The following CDC42EP3 variants were observed in gnomAD, a reference collection of about 807,000 sequenced individuals.
CDC42EP3 encodes CDC42 effector protein (Rho GTPase binding) 3.
In CDC42EP3, 4 loss-of-function variants were observed where a neutral mutation model predicts 15.5. That is an observed-to-expected ratio of 0.26 (90% CI 0.13 to 0.59). The LOEUF is 0.59. Among genes scored for constraint, CDC42EP3 ranks in the 20% least tolerant of loss-of-function variants. The probability of loss-of-function intolerance (pLI) is 0.89; values close to 1 mark genes in which losing one functional copy is unlikely to be tolerated. For missense variants in CDC42EP3, 309 were observed against 311.2 expected (o/e 0.99, Z 0.05); for synonymous variants, 145 against 130.3 (o/e 1.11, Z -0.77).
At position 37,646,324 on chromosome 2, in the gene CDC42EP3, G is replaced by T. The variant is rs748269210; in HGVS notation, c.264C>A (p.Asn88Lys). The part of the protein sequence containing the change: ...FPGHNEFFRA[N>K]STSDSVFTET... ...CTGTGAACACAGAGTCCGAGGTGCT[G>T]TTGGCCCGGAAGAACTCATTATGCC... Residue 88 changes from asparagine to lysine, a missense_variant, in exon 2 of 2, where the codon AAC (asparagine) becomes AAA (lysine). Transcript: ENST00000295324. The T allele has an allele frequency of 1.1e-5, 18 of 1,614,058 alleles. No homozygotes were observed. Among genetic ancestry groups the T allele is most frequent in the Non-Finnish European group, 1.5e-5 (18 of 1,180,038 alleles).
rs781721528 is a variant in CDC42EP3 at position 37,646,508 on chromosome 2, G to A, written c.80C>T (p.Ser27Phe). The A allele has an allele frequency of 1.2e-6, 2 of 1,601,122 alleles. No individual in the cohort carries two copies. Among genetic ancestry groups the A allele is most frequent in the Non-Finnish European group, 1.7e-6 (2 of 1,176,330 alleles). The change falls in exon 2 of 2, where the codon TCT (serine) becomes TTT (phenylalanine). Residue 27 changes from serine to phenylalanine, a missense_variant. Coordinates refer to ENST00000295324, the MANE Select transcript of CDC42EP3 (RefSeq NM_006449.5). ...GKKFKLRDIL[S>F]PDMISPPLGD... ...AAGCGGGGGACTGATCATATCAGGA[G>A]ACAGAATGTCCCTCAGTTTAAATTT...
upstream of CDC42EP3, chr2:37,672,648 TG>T (rs1198297707): frequency 6.6e-6 from 1 of 152,188 alleles, no homozygotes; most frequent in Non-Finnish European, 1.5e-5. Context: ...GTCGTCGGCC[TG>T]GGGAAGGAGT....
intron 1 of CDC42EP3, among the ~76,000 whole-genome samples, chr2:37,664,042 A>C (rs1402878824): frequency 3.3e-5 from 5 of 152,166 alleles, no homozygotes; most frequent in East Asian, 1.9e-4. Flanking sequence ...GTCGTTGTGG[A>C]GGGTGCCTGT....
At chr2:37,671,687 G>GGGCGGCGCGGGGCGGGGCC (rs948736818), upstream of CDC42EP3, 924 of 151,318 alleles carry the variant, frequency 6.1e-3, 13 homozygotes, top group African/African-American at 0.021. Flanking sequence ...GCGGAGGGCG[G>GGGCGGCGCGGGGCGGGGCC]GGCGGCGCGG....
At chr2:37,662,084 GAAA>G (rs11314456) in intron 1 of CDC42EP3, among the ~76,000 whole-genome samples, 1 of 141,744 alleles carries the variant, frequency 7.1e-6, no homozygotes, top group Non-Finnish European at 1.6e-5. Context: ...TTCCAAAAAA[GAAA>G]AAAAAAAAGT....
intron 1 of CDC42EP3, among the ~76,000 whole-genome samples, chr2:37,657,632 C>T (rs191159099): frequency 2.6e-5 from 4 of 152,246 alleles, no homozygotes; most frequent in South Asian, 2.1e-4. Context: ...AGCTACAGGC[C>T]GGCCAAATCC....
intron 1 of CDC42EP3, among the ~76,000 whole-genome samples, chr2:37,649,191 C>T (rs534688540): frequency 1.2e-4 from 18 of 151,884 alleles, no homozygotes; most frequent in Admixed American, 3.9e-4. Flanking sequence ...GGGCACCCGC[C>T]GGTAGTCCCA....
Position 37,657,916 on chromosome 2 carries a change from T to A in CDC42EP3, c.-235-11094A>T, listed in dbSNP as rs946062795. On this transcript the variant is annotated intron_variant, in intron 1 of 1. Coordinates refer to ENST00000295324, the MANE Select transcript of CDC42EP3 (RefSeq NM_006449.5). ...AGAATTATCTGGCCTCAAATCTCAG[T>A]AGTGCTGAAGTTGAGAAATCCCAGT... is the stretch of plus-strand genomic sequence containing the variant. 2.6e-5 allele frequency among the ~76,000 whole-genome samples: 4 copies of A among 152,188 alleles called. 1 individual carries two copies. The highest frequency in any genetic ancestry group is 2.0e-4 in the Admixed American group (3 of 15,266).
chr2:37,649,836 A>T (rs1166062255), intron 1 of CDC42EP3, among the ~76,000 whole-genome samples: 2 of 152,182 alleles, frequency 1.3e-5, no homozygotes, highest in African/African-American at 4.8e-5. Flanking sequence ...GAAAAAGGCA[A>T]GAAAAGGGTT....
chr2:37,658,563 C>T (rs72881310), intron 1 of CDC42EP3, among the ~76,000 whole-genome samples: 13,304 of 152,178 alleles, frequency 0.087, 1,791 homozygotes, highest in African/African-American at 0.29. Flanking sequence ...ATAAACCTTG[C>T]CCCAAATGGG....
rs1665362893 is a variant in CDC42EP3, at chr2:37,644,111, C to A, written c.*1712G>T. ...TCCAGGGAAGCTAAAATATTGGACA[C>A]CCCTGCCTAGGGGAACTTGTTTCGT... On this transcript the variant is annotated 3_prime_UTR_variant, in exon 2 of 2. Coordinates refer to ENST00000295324, the MANE Select transcript of CDC42EP3 (RefSeq NM_006449.5). 1 of 151,878 alleles carries A rather than the reference C, an allele frequency of 6.6e-6. No homozygotes were observed. Among genetic ancestry groups the A allele is most frequent in the Non-Finnish European group, 1.5e-5 (1 of 68,014 alleles). 9.4% of individuals were successfully genotyped at this position (151,878 alleles called of 1,614,324 possible).
At chr2:37,657,991 A>G (rs1665933567) in intron 1 of CDC42EP3, among the ~76,000 whole-genome samples, 1 of 152,200 alleles carries the variant, frequency 6.6e-6, no homozygotes, top group South Asian at 2.1e-4. Flanking sequence ...TGTGACAGAG[A>G]CTGTATGTTG....
rs1665430528 is a variant in CDC42EP3, at chr2:37,645,778, T to C, written c.*45A>G. On this transcript the variant is annotated 3_prime_UTR_variant, in exon 2 of 2. Coordinates refer to ENST00000295324, the MANE Select transcript of CDC42EP3 (RefSeq NM_006449.5). ...GCCCTTCTCTTCAACTGTGGTTAGT[T>C]TGTTTTTGTACCTTTTACCCCAAAG... 6.9e-7 allele frequency: 1 copy of C among 1,457,082 alleles called. No homozygotes were observed. The highest frequency in any genetic ancestry group is 1.4e-5 in the African/African-American group (1 of 70,588). 90.3% of individuals were successfully genotyped at this position (1,457,082 alleles called of 1,614,324 possible).
intron 1 of CDC42EP3, among the ~76,000 whole-genome samples, chr2:37,657,648 C>T (rs1665913100): frequency 6.6e-6 from 1 of 152,164 alleles, no homozygotes; most frequent in Admixed American, 6.5e-5. Context: ...AATCCGGCCC[C>T]CTGCCTGTTT....
intron 1 of CDC42EP3, among the ~76,000 whole-genome samples, chr2:37,661,131 G>A (rs1022726453): frequency 6.7e-5 from 10 of 150,104 alleles, no homozygotes; most frequent in East Asian, 2.1e-4. Flanking sequence ...GTGTGTGTGC[G>A]TGTGTGTATA....
At chr2:37,668,707 C>G (rs1258673450) in intron 1 of CDC42EP3, among the ~76,000 whole-genome samples, 1 of 152,194 alleles carries the variant, frequency 6.6e-6, no homozygotes, top group African/African-American at 2.4e-5. Context: ...ACTGGTCTAT[C>G]CTCAGTCTCT....
At chr2:37,656,681 T>A (rs1665856815) in intron 1 of CDC42EP3, among the ~76,000 whole-genome samples, 1 of 152,218 alleles carries the variant, frequency 6.6e-6, no homozygotes. Flanking sequence ...CAGCCATAGC[T>A]GCATTCTGTA....
chr2:37,659,540 A>G (rs1220334611), intron 1 of CDC42EP3, among the ~76,000 whole-genome samples: 1 of 152,252 alleles, frequency 6.6e-6, no homozygotes, highest in Non-Finnish European at 1.5e-5. Context: ...TGAAAGAGAT[A>G]TGACTCCTAT....
Position 37,645,446 on chromosome 2 carries a change from C to G in CDC42EP3, c.*377G>C, listed in dbSNP as rs570906209. ...AAATAAATTTTGACTTCCTCTTGCT[C>G]AGAAAATGTCGGAGTGCTATAAAGT... On this transcript the variant is annotated 3_prime_UTR_variant, in exon 2 of 2. Coordinates refer to ENST00000295324, the MANE Select transcript of CDC42EP3 (RefSeq NM_006449.5). 2.5e-4 allele frequency: 41 copies of G among 162,726 alleles called. No homozygotes were observed. The highest frequency in any genetic ancestry group is 4.9e-4 in the Non-Finnish European group (37 of 75,322). 10.1% of individuals were successfully genotyped at this position (162,726 alleles called of 1,614,324 possible).
Sources: allele counts gnomAD v4.1 joint callset (sites outside exome capture counted in the v4.1 genomes callset), GRCh38; gene constraint gnomAD v4.1.1; transcripts MANE v1.5; gene names NCBI Gene and HGNC (gene_info 2026-07-23, HGNC 2026-07-21).